Variants in RAB25 observed in about 807,000 individuals in gnomAD.
RAB25 encodes RAB25, member RAS oncogene family.
A neutral mutation model predicts 25.2 loss-of-function variants in RAB25; 23 were observed. The ratio of observed to expected loss-of-function variants is 0.91; its 90% CI spans 0.66 to 1.29. RAB25 has a LOEUF of 1.29. RAB25 is among the 50% of genes most tolerant of loss of function. The pLI is 0.00. For synonymous variants in RAB25, 102 were observed against 111.5 expected (o/e 0.91, Z 0.54); for missense variants, 244 against 277.3 (o/e 0.88, Z 0.85).
intron 1 of RAB25, among the ~76,000 whole-genome samples, chr1:156,063,170 CT>C (rs1647631765): frequency 1.3e-5 from 2 of 151,472 alleles, no homozygotes; most frequent in African/African-American, 4.9e-5. Context: ...GAGTCTCGCT[CT>C]GTTGCCCAGG....
intron 4 of RAB25, chr1:156,069,958 G>C: frequency 1.1e-6 from 1 of 887,376 alleles, no homozygotes; most frequent in Non-Finnish European, 1.8e-6. Context: ...ACTCCCCATG[G>C]GGCTGACTCT....
chr1:156,068,337 G>A lies in RAB25; in HGVS notation c.307G>A (p.Val103Met), dbSNP rs755172295. 5.6e-6 allele frequency: 9 copies of A among 1,614,166 alleles called. No individual in the cohort carries two copies. Among genetic ancestry groups the A allele is most frequent in the Non-Finnish European group, 7.6e-6 (9 of 1,180,020 alleles). ...AACCAAGCACCAGACCTATGCTGTG[G>A]TGGAGCGATGGCTGAAGGAGCTCTA... ...DLTKHQTYAV[V>M]ERWLKELYDH... is the part of the protein sequence containing the mutation. The change falls in exon 3 of 5, where the codon GTG (valine) becomes ATG (methionine). Residue 103 changes from valine (V) to methionine (M), a missense_variant. By Grantham distance (21) the Val-to-Met change is conservative. Transcript: ENST00000361084.
In RAB25 at chr1:156,070,384, G is replaced by C; in HGVS notation, c.*97G>C. On this transcript the variant is annotated 3_prime_UTR_variant, in exon 5 of 5. Coordinates refer to ENST00000361084, the MANE Select transcript of RAB25 (RefSeq NM_020387.4). ...CCTTGCCCTTTGGTTCCAGATATCAGACTGTTCCCTGTTCACAGCACCCTC... is the reference window on the plus strand; with the variant it reads ...CCTTGCCCTTTGGTTCCAGATATCACACTGTTCCCTGTTCACAGCACCCTC... 17 of 1,497,018 alleles carry C rather than the reference G, an allele frequency of 1.1e-5. No homozygotes were observed. The South Asian group carries it at 2.0e-4, about 17-fold the overall frequency. The allele number at this position is 1,497,018 out of a possible 1,614,324, so 92.7% of individuals were successfully genotyped here. A position where few individuals can be genotyped will look rare whatever the true frequency, so the allele number is the denominator to read the frequency against.
intron 1 of RAB25, among the ~76,000 whole-genome samples, chr1:156,064,799 A>G (rs1647693531): frequency 6.6e-6 from 1 of 152,224 alleles, no homozygotes; most frequent in African/African-American, 2.4e-5. Flanking sequence ...CACTTGTTCA[A>G]GTTCACACAG....
chr1:156,062,239 T>G (rs528138975), intron 1 of RAB25, among the ~76,000 whole-genome samples: 1 of 152,200 alleles, frequency 6.6e-6, no homozygotes, highest in Non-Finnish European at 1.5e-5. Context: ...ATGAATTTGC[T>G]GCAGAGTCTG....
chr1:156,069,270 C>T (rs978285570), intron 3 of RAB25, among the ~76,000 whole-genome samples: 2 of 152,128 alleles, frequency 1.3e-5, no homozygotes, highest in Non-Finnish European at 2.9e-5. Context: ...CAACCTCCAC[C>T]TCCTGGGTTC....
chr1:156,068,183 C>T (rs753684961), intron 2 of RAB25, 87 bp from the exon 3 acceptor site: 35 of 1,203,368 alleles, frequency 2.9e-5, no homozygotes, highest in African/African-American at 1.1e-4. Flanking sequence ...ACTCTGATCC[C>T]GGGTGTTCCA....
intron 1 of RAB25, among the ~76,000 whole-genome samples, chr1:156,062,759 T>C (rs770991715): frequency 1.1e-4 from 17 of 152,132 alleles, no homozygotes; most frequent in Non-Finnish European, 2.1e-4. Context: ...CTTACAAGTA[T>C]TGCGGGTTGG....
Position 156,070,310 on chromosome 1 carries a change from C to T in RAB25, c.*23C>T. On this transcript the variant is annotated 3_prime_UTR_variant, in exon 5 of 5. Transcript: ENST00000361084. ...TGACCTTGGCCAGCACCACCTGCCC[C>T]CACTGGCTTTTTGGTGCCCCTTGTC... 6.2e-7 allele frequency: 1 copy of T among 1,609,102 alleles called. No homozygotes were observed. Among genetic ancestry groups the T allele is most frequent in the Middle Eastern group, 1.7e-4 (1 of 6,028 alleles).
chr1:156,063,052 T>TAAA (rs1158919173), intron 1 of RAB25, among the ~76,000 whole-genome samples: 6 of 67,894 alleles, frequency 8.8e-5, no homozygotes, highest in Admixed American at 1.7e-4. Flanking sequence ...AGACTCTGTC[T>TAAA]AAAAAAAAAA....
intron 1 of RAB25, among the ~76,000 whole-genome samples, chr1:156,061,779 C>A (rs972952335): frequency 6.6e-6 from 1 of 152,004 alleles, no homozygotes; most frequent in African/African-American, 2.4e-5. Flanking sequence ...TCAGAAAGGA[C>A]TTCCCTCTTT....
intron 2 of RAB25, 171 bp from the exon 3 acceptor site, chr1:156,068,099 G>A: frequency 1.7e-6 from 1 of 583,418 alleles, no homozygotes; most frequent in Non-Finnish European, 3.0e-6. Context: ...TCCCTGGAAG[G>A]CAGAGGAGCC....
At chr1:156,063,644 C>T (rs1647657357) in intron 1 of RAB25, among the ~76,000 whole-genome samples, 1 of 152,208 alleles carries the variant, frequency 6.6e-6, no homozygotes, top group Admixed American at 6.5e-5. Flanking sequence ...AGGCCGCTGT[C>T]TGCACCAGAG....
chr1:156,069,940 C>G (rs1273128032), intron 4 of RAB25, 189 bp downstream of exon 4: 19 of 844,768 alleles, frequency 2.2e-5, no homozygotes, highest in Middle Eastern at 3.0e-4. Context: ...AGGGAGGGAA[C>G]AGGCCACACT....
chr1:156,070,458 C>T lies in RAB25; in HGVS notation c.*171C>T, dbSNP rs1442386410. ...TATCACAAATACCTCTTTTATCTGT[C>T]CACCCCTCACAGACTAGGACCCTCA... On this transcript the variant is annotated 3_prime_UTR_variant, in exon 5 of 5. Coordinates refer to ENST00000361084, the MANE Select transcript of RAB25 (RefSeq NM_020387.4). 3.6e-6 allele frequency: 3 copies of T among 828,048 alleles called. No individual in the cohort carries two copies. The highest frequency in any genetic ancestry group is 2.9e-5 in the Admixed American group (1 of 34,066). 51.3% of individuals were successfully genotyped at this position (828,048 alleles called of 1,614,324 possible).
At chr1:156,067,211 G>A (rs949254131) in intron 2 of RAB25, among the ~76,000 whole-genome samples, 4 of 140,036 alleles carry the variant, frequency 2.9e-5, no homozygotes, top group Non-Finnish European at 4.6e-5. Context: ...CCAGCCTAGC[G>A]ACAGAGCAAG....
At position 156,068,315 on chromosome 1, in the gene RAB25, C is replaced by T. The variant is rs750945873; in HGVS notation, c.285C>T (p.Thr95=). Residue 95 remains threonine, a synonymous_variant, in exon 3 of 5, where the codon ACC becomes ACT. Transcript: ENST00000361084. ...GGGCCCTCCTGGTGTTTGACCTAAC[C>T]AAGCACCAGACCTATGCTGTGGTGG... ...AVGALLVFDL[T]KHQTYAVVER... The T allele has an allele frequency of 1.9e-6, 3 of 1,613,884 alleles. No individual in the cohort carries two copies.
chr1:156,066,449 C>T (rs1185739955), intron 2 of RAB25, among the ~76,000 whole-genome samples: 1 of 152,124 alleles, frequency 6.6e-6, no homozygotes, highest in Admixed American at 6.5e-5. Context: ...TGTATAAATA[C>T]AAACAAGGTG....
chr1:156,062,485 G>A (rs755711213), intron 1 of RAB25, among the ~76,000 whole-genome samples: 5 of 151,996 alleles, frequency 3.3e-5, no homozygotes, highest in African/African-American at 4.8e-5. Flanking sequence ...ACCTCAGCCC[G>A]GCCCCTCCCT....
Sources: allele counts gnomAD v4.1 joint callset (sites outside exome capture counted in the v4.1 genomes callset), GRCh38; gene constraint gnomAD v4.1.1; transcripts MANE v1.5; gene names NCBI Gene and HGNC (gene_info 2026-07-23, HGNC 2026-07-21).